The following CCDC93 variants were observed in gnomAD, a reference collection of about 807,000 sequenced individuals.
The protein encoded by CCDC93 is CCC complex scaffolding subunit CCDC93, also known as coiled-coil domain-containing protein 93.
Under a neutral mutation model 108.2 loss-of-function variants are expected in CCDC93, and 61 were observed. The ratio of observed to expected loss-of-function variants is 0.56; its 90% CI spans 0.46 to 0.70. CCDC93 has a LOEUF of 0.70. Among genes scored for constraint, CCDC93 ranks in the 30% least tolerant of loss-of-function variants. The pLI is 0.00. For synonymous variants in CCDC93, 276 were observed against 260.4 expected (o/e 1.06, Z -0.58); for missense variants, 685 against 764.2 (o/e 0.90, Z 1.22).
At chr2:117,974,702 G>T in intron 10 of CCDC93, 148 bp downstream of exon 10, 1 of 645,022 alleles carries the variant, frequency 1.6e-6, no homozygotes, top group Non-Finnish European at 2.8e-6. Context: ...ATTAAAAACA[G>T]ATTAACAAAA....
intron 3 of CCDC93, among the ~76,000 whole-genome samples, chr2:118,002,935 G>A (rs1254011974): frequency 2.0e-5 from 3 of 152,192 alleles, no homozygotes; most frequent in Non-Finnish European, 4.4e-5. Flanking sequence ...CTACTCAAAA[G>A]ACTAAGGCAG....
chr2:117,983,742 G>C lies in CCDC93; in HGVS notation c.620+2227C>G, dbSNP rs1312490710. Among the ~76,000 whole-genome samples the C allele has an allele frequency of 2.8e-5, 4 of 142,820 alleles. No homozygotes were observed. The East Asian group carries it at 7.9e-4, about 28-fold the overall frequency. The allele number at this position is 142,820 out of a possible 152,430, so 93.7% of individuals were successfully genotyped here. A position where few individuals can be genotyped will look rare whatever the true frequency, so the allele number is the denominator to read the frequency against. On this transcript the variant is annotated intron_variant, in intron 7 of 23. Transcript: ENST00000376300. The stretch of plus-strand genomic sequence containing the variant: ...AGTGGAGAATGCTGAACAGAACCTA[G>C]AGGAAACAGACTGCCAGAAAGGAAG...
intron 13 of CCDC93, among the ~76,000 whole-genome samples, chr2:117,952,031 G>A (rs1325081770): frequency 6.6e-6 from 1 of 151,996 alleles, no homozygotes; most frequent in Non-Finnish European, 1.5e-5. Flanking sequence ...TGCTGTTTGA[G>A]GGGCAGGAGC....
At chr2:117,964,592 T>C (rs891119129) in intron 11 of CCDC93, among the ~76,000 whole-genome samples, 1 of 152,056 alleles carries the variant, frequency 6.6e-6, no homozygotes, top group Non-Finnish European at 1.5e-5. Context: ...AAGAGCCTCT[T>C]TTAAGAAGTA....
chr2:117,975,591 G>A (rs1341008963), intron 8 of CCDC93, among the ~76,000 whole-genome samples: 1 of 152,190 alleles, frequency 6.6e-6, no homozygotes, highest in African/African-American at 2.4e-5. Context: ...ACTTTCAAGA[G>A]CAGATCACTA....
At chr2:117,943,602 G>A (rs1678774474) in intron 18 of CCDC93, among the ~76,000 whole-genome samples, 1 of 152,230 alleles carries the variant, frequency 6.6e-6, no homozygotes, top group African/African-American at 2.4e-5. Context: ...GAGCTTCCAT[G>A]AGCCAGATCC....
At position 117,916,480 on chromosome 2, in the gene CCDC93, T is replaced by C. The variant is rs1677689842; in HGVS notation, c.*3863A>G. 1 of 152,156 alleles carries C rather than the reference T, an allele frequency of 6.6e-6. No individual in the cohort carries two copies. Among genetic ancestry groups the C allele is most frequent in the Non-Finnish European group, 1.5e-5 (1 of 68,040 alleles). The allele number at this position is 152,156 out of a possible 1,614,324, so 9.4% of individuals were successfully genotyped here. The stretch of plus-strand genomic sequence containing the variant: ...GTGAAAACTGTTCTCAAACTAAGCA[T>C]CAAGTAGAGGAAAGGTTCAATCTAA... On this transcript the variant is annotated 3_prime_UTR_variant, in exon 24 of 24. Transcript: ENST00000376300.
Position 117,995,491 on chromosome 2 carries a change from G to A in CCDC93, c.474C>T (p.Phe158=). 6.2e-7 allele frequency: 1 copy of A among 1,613,182 alleles called. No homozygotes were observed. The highest frequency in any genetic ancestry group is 1.1e-5 in the South Asian group (1 of 91,086). ...TGATGGCCTTTTCTTTTCTCTTTAT[G>A]AAGTCATCATCCTACAAGACAAAAC... is the stretch of plus-strand genomic sequence containing the variant. ...KTYSLPEDDD[F]IKRKEKAIKT... Residue 158 remains phenylalanine, a synonymous_variant, in exon 6 of 24, where the codon TTC becomes TTT. Transcript: ENST00000376300.
chr2:117,965,741 ACG>A, intron 11 of CCDC93, among the ~76,000 whole-genome samples: 1 of 152,246 alleles, frequency 6.6e-6, no homozygotes, highest in Middle Eastern at 3.4e-3. Flanking sequence ...ACCCTGACTC[ACG>A]CGTAACGCAA....
chr2:117,978,095 A>G (rs772796345), intron 7 of CCDC93, 65 bp from the exon 8 acceptor site: 2 of 1,442,796 alleles, frequency 1.4e-6, no homozygotes, highest in Non-Finnish European at 1.9e-6. Context: ...AGTGAAATGC[A>G]TTTTGGTTGA....
intron 3 of CCDC93, 126 bp downstream of exon 3, chr2:118,006,596 T>G (rs577506843): frequency 2.9e-6 from 2 of 683,204 alleles, no homozygotes; most frequent in Non-Finnish European, 5.3e-6. Context: ...AAGGCAGGGA[T>G]AATACCTCTT....
intron 10 of CCDC93, 133 bp downstream of exon 10, chr2:117,974,717 C>T: frequency 1.5e-6 from 1 of 659,802 alleles, no homozygotes; most frequent in South Asian, 1.9e-5. Context: ...ACAAAAGGAA[C>T]TCCCTGGGGA....
At chr2:118,009,542 C>T (rs1676968341) in intron 1 of CCDC93, among the ~76,000 whole-genome samples, 1 of 152,128 alleles carries the variant, frequency 6.6e-6, no homozygotes, top group African/African-American at 2.4e-5. Context: ...CATGGTGGTG[C>T]ACACCTGTAA....
Position 117,977,977 on chromosome 2 carries a change from A to G in CCDC93, c.657+17T>C. On this transcript the variant is annotated intron_variant, in intron 8 of 23. Transcript: ENST00000376300. ...CATCTCTCAAGTATTCTCTCTTACTATCAATGTTTTTCTTACCTTCTCCAT... is the reference window on the plus strand; with the variant it reads ...CATCTCTCAAGTATTCTCTCTTACTGTCAATGTTTTTCTTACCTTCTCCAT... 1.2e-6 allele frequency: 2 copies of G among 1,610,788 alleles called. No homozygotes were observed. The highest frequency in any genetic ancestry group is 8.5e-7 in the Non-Finnish European group (1 of 1,177,024).
chr2:117,979,609 C>G (rs536915595), intron 7 of CCDC93, among the ~76,000 whole-genome samples: 86 of 152,218 alleles, frequency 5.6e-4, no homozygotes, highest in African/African-American at 2.0e-3. Flanking sequence ...ATCAAGAAGC[C>G]AAAAGTATCA....
chr2:117,961,069 C>G (rs962478277), intron 11 of CCDC93, among the ~76,000 whole-genome samples: 9 of 151,920 alleles, frequency 5.9e-5, no homozygotes, highest in African/African-American at 2.2e-4. Flanking sequence ...ATCTAAGGAG[C>G]CTGGTTCACT....
intron 11 of CCDC93, among the ~76,000 whole-genome samples, chr2:117,961,153 C>A (rs1679379034): frequency 6.6e-6 from 1 of 152,100 alleles, no homozygotes; most frequent in African/African-American, 2.4e-5. Context: ...TTATGTAACA[C>A]CGAGAGGGAA....
chr2:117,986,853 T>A (rs559191843), intron 6 of CCDC93, among the ~76,000 whole-genome samples: 2 of 152,160 alleles, frequency 1.3e-5, no homozygotes, highest in South Asian at 4.2e-4. Context: ...TAGGAAGCTA[T>A]AAATAACATA....
At chr2:117,950,217 A>G in intron 13 of CCDC93, 1 of 985,442 alleles carries the variant, frequency 1.0e-6, no homozygotes, top group Non-Finnish European at 1.2e-6. Flanking sequence ...AGATGAACAT[A>G]TAACCAAGGA....
Sources: gnomAD v4.1 joint callset for allele counts (sites outside exome capture counted in the v4.1 genomes callset) on GRCh38, gnomAD v4.1.1 for gene constraint, MANE v1.5 for transcripts, NCBI Gene and HGNC (gene_info 2026-07-23, HGNC 2026-07-21) for gene names.